DIAPH1: variants seen among roughly 807,000 people sequenced by gnomAD.
DIAPH1 encodes the protein diaphanous related formin 1, also known as protein diaphanous homolog 1.
DIAPH1 carries 46 observed loss-of-function variants against 140.7 expected under a neutral mutation model. The observed-to-expected ratio is 0.33, with a 90% CI of 0.26 to 0.42. DIAPH1 has a LOEUF of 0.42. Among genes scored for constraint, DIAPH1 ranks in the 10% least tolerant of loss-of-function variants. DIAPH1 has a pLI of 1.00. For missense variants in DIAPH1, 1,310 were observed against 1,558.7 expected, an observed-to-expected ratio of 0.84 and a Z score of 2.69; for synonymous variants, 565 against 551.6, an observed-to-expected ratio of 1.02 and a Z score of -0.34.
chr5:141,601,758 T>C (rs2099900174), intron 1 of DIAPH1, among the ~76,000 whole-genome samples: 1 of 152,210 alleles, frequency 6.6e-6, no homozygotes, highest in East Asian at 1.9e-4. Context: ...CGAAACAGTA[T>C]ATTTATTCTT....
chr5:141,592,367 A>G (rs1477009279), intron 1 of DIAPH1, among the ~76,000 whole-genome samples: 2 of 152,176 alleles, frequency 1.3e-5, no homozygotes, highest in African/African-American at 4.8e-5. Flanking sequence ...AGTTAATACT[A>G]TGTGTGTTCT....
At chr5:141,579,860 A>C (rs2099896483) in intron 8 of DIAPH1, among the ~76,000 whole-genome samples, 1 of 151,896 alleles carries the variant, frequency 6.6e-6, no homozygotes, top group Non-Finnish European at 1.5e-5. Flanking sequence ...AGGAAGGAGA[A>C]TCGCTTGAAC....
chr5:141,580,662 C>T, intron 8 of DIAPH1, 82 bp downstream of exon 8: 1 of 1,440,694 alleles, frequency 6.9e-7, no homozygotes. Flanking sequence ...CGAGAGGACA[C>T]CCAACCAACT....
Position 141,596,651 on chromosome 5 carries a change from G to A in DIAPH1, c.118-8401C>T, listed in dbSNP as rs531113347. ...AATATTTTAGATATATTAATTTCACGTTTCTAAAACTAGAAAATCTAAACT... is the reference window on the plus strand; with the variant it reads ...AATATTTTAGATATATTAATTTCACATTTCTAAAACTAGAAAATCTAAACT... On this transcript the variant is annotated intron_variant, in intron 1 of 27. Coordinates refer to ENST00000389054, the MANE Select transcript of DIAPH1 (RefSeq NM_005219.5). 2.4e-4 allele frequency among the ~76,000 whole-genome samples: 36 copies of A among 151,770 alleles called. No individual in the cohort carries two copies. In the South Asian group the frequency reaches 2.9e-3, roughly 12 times the overall value.
intron 18 of DIAPH1, among the ~76,000 whole-genome samples, chr5:141,541,051 T>C (rs1228231345): frequency 6.6e-6 from 1 of 152,036 alleles, no homozygotes; most frequent in Non-Finnish European, 1.5e-5. Context: ...TTTCATCAAA[T>C]ATATGATGGC....
rs1471793494 is a variant in DIAPH1 at position 141,557,433 on chromosome 5, T to A, written c.2482+13995A>T. Among the ~76,000 whole-genome samples the A allele has an allele frequency of 2.0e-5, 3 of 152,072 alleles. 1 individual carries two copies. The highest frequency in any genetic ancestry group is 4.4e-5 in the Non-Finnish European group (3 of 68,034). Reference sequence around the variant, plus strand: ...ATACTAGTCTCTTTACATATATGTGTGTATGTGTGCGTGCATTTTTTTCAC... The same window carrying A: ...ATACTAGTCTCTTTACATATATGTGAGTATGTGTGCGTGCATTTTTTTCAC... On this transcript the variant is annotated intron_variant, in intron 18 of 27. Transcript: ENST00000389054.
Position 141,528,694 on chromosome 5 carries a change from T to C in DIAPH1, c.3018+8A>G. On this transcript the variant is annotated splice_region_variant and intron_variant, in intron 22 of 27. Coordinates refer to ENST00000389054, the MANE Select transcript of DIAPH1 (RefSeq NM_005219.5). The stretch of plus-strand genomic sequence containing the variant: ...CTTGTGTTGTCCTGCCCTACCTCTT[T>C]GGCTCACCTTACAGAGGAAGCTGAT... 1.2e-6 allele frequency: 2 copies of C among 1,614,256 alleles called. No individual in the cohort carries two copies. Among genetic ancestry groups the C allele is most frequent in the Non-Finnish European group, 1.7e-6 (2 of 1,180,046 alleles).
intron 1 of DIAPH1, among the ~76,000 whole-genome samples, chr5:141,614,434 A>C (rs2099902329): frequency 6.6e-6 from 1 of 152,210 alleles, no homozygotes; most frequent in Non-Finnish European, 1.5e-5. Context: ...GGTGATTCTA[A>C]GACACAGGAA....
chr5:141,528,426 C>T lies in DIAPH1; in HGVS notation c.3148+27G>A, dbSNP rs750324443. The T allele has an allele frequency of 3.7e-6, 6 of 1,613,916 alleles. No homozygotes were observed. The South Asian group carries it at 5.5e-5, about 15-fold the overall frequency. On this transcript the variant is annotated intron_variant, in intron 23 of 27. Transcript: ENST00000389054. Reference sequence around the variant, plus strand: ...CCCTCCCCATGCAGAGACTTTTGGGCTCTAGCTTCATTCCAAACTGCCCCA... The same window carrying T: ...CCCTCCCCATGCAGAGACTTTTGGGTTCTAGCTTCATTCCAAACTGCCCCA...
At chr5:141,571,800 C>T in intron 17 of DIAPH1, 126 bp downstream of exon 17, 1 of 793,318 alleles carries the variant, frequency 1.3e-6, no homozygotes. Flanking sequence ...ATGGGAAAAT[C>T]CATCAGTCTT....
chr5:141,553,207 G>A (rs1169180733), intron 18 of DIAPH1, among the ~76,000 whole-genome samples: 1 of 152,122 alleles, frequency 6.6e-6, no homozygotes, highest in Non-Finnish European at 1.5e-5. Flanking sequence ...CAGAAGAATT[G>A]CTTGAACCCA....
At chr5:141,523,411 C>G (rs1057471182) in intron 27 of DIAPH1, among the ~76,000 whole-genome samples, 2 of 152,190 alleles carry the variant, frequency 1.3e-5, no homozygotes, top group African/African-American at 2.4e-5. Flanking sequence ...CCACTGTAAG[C>G]TTCCCTGAAA....
At chr5:141,574,323 T>A in intron 15 of DIAPH1, 115 bp from the exon 16 acceptor site, 1 of 1,058,006 alleles carries the variant, frequency 9.5e-7, no homozygotes, top group Non-Finnish European at 1.4e-6. Flanking sequence ...ATGGAGGAAC[T>A]GAGAGGAGTC....
At chr5:141,615,437 GA>G (rs1013629826) in intron 1 of DIAPH1, among the ~76,000 whole-genome samples, 542 of 46,314 alleles carry the variant, frequency 0.012, 1 homozygote, top group Middle Eastern at 0.024. Context: ...CTCAGAAAAA[GA>G]AAAAAAAAAA....
intron 19 of DIAPH1, among the ~76,000 whole-genome samples, chr5:141,533,761 G>C (rs975896817): frequency 6.6e-6 from 1 of 152,098 alleles, no homozygotes; most frequent in Non-Finnish European, 1.5e-5. Context: ...TTCTGTGAAC[G>C]CAATGGACAT....
At chr5:141,523,574 G>A (rs952592585) in intron 27 of DIAPH1, among the ~76,000 whole-genome samples, 1 of 152,064 alleles carries the variant, frequency 6.6e-6, no homozygotes, top group Non-Finnish European at 1.5e-5. Flanking sequence ...GGAAGGCAAG[G>A]GCAATAGAGG....
chr5:141,538,890 T>C (rs1340096323), intron 18 of DIAPH1, among the ~76,000 whole-genome samples: 1 of 152,224 alleles, frequency 6.6e-6, no homozygotes, highest in Non-Finnish European at 1.5e-5. Context: ...TTAAAGATTT[T>C]TGCTACCAAA....
At chr5:141,560,615 G>A (rs984486568) in intron 18 of DIAPH1, 2 of 178,982 alleles carry the variant, frequency 1.1e-5, no homozygotes, top group African/African-American at 2.4e-5. Context: ...TGAATGAGAA[G>A]GCAAAGTACC....
rs532708591 is a variant in DIAPH1 at position 141,563,311 on chromosome 5, T to C, written c.2482+8117A>G. ...TTGACTGCCAAGTCAACAGAAAATG[T>C]TGAATTGTTTCCTAATCAATCTCAT... On this transcript the variant is annotated intron_variant, in intron 18 of 27. Transcript: ENST00000389054. The C allele has an allele frequency of 3.9e-5, 6 of 152,316 alleles. No individual in the cohort carries two copies. The East Asian group carries it at 9.6e-4, about 24-fold the overall frequency. 9.4% of individuals were successfully genotyped at this position (152,316 alleles called of 1,614,324 possible).
Sources: allele counts gnomAD v4.1 joint callset (sites outside exome capture counted in the v4.1 genomes callset), GRCh38; gene constraint gnomAD v4.1.1; transcripts MANE v1.5; gene names NCBI Gene and HGNC (gene_info 2026-07-23, HGNC 2026-07-21).